CALD1: variants seen among roughly 807,000 people sequenced by gnomAD.
CALD1 encodes caldesmon.
CALD1 carries 33 observed loss-of-function variants against 99.9 expected under a neutral mutation model. The observed-to-expected ratio is 0.33, with a 90% CI of 0.25 to 0.44. The LOEUF (loss-of-function observed/expected upper bound fraction) is 0.44, where lower values mean the gene tolerates loss of function less well. Among genes scored for constraint, CALD1 ranks in the 20% least tolerant of loss-of-function variants. The pLI is 1.00. For missense variants in CALD1, 861 were observed against 962.1 expected, an observed-to-expected ratio of 0.89 and a Z score of 1.39; for synonymous variants, 310 against 325.0, an observed-to-expected ratio of 0.95 and a Z score of 0.50.
In CALD1 at chr7:134,828,238, T is replaced by C. The variant is rs535055620; in HGVS notation, c.-129-15646T>C. On this transcript the variant is annotated intron_variant, in intron 1 of 14. Coordinates refer to ENST00000361675, the MANE Select transcript of CALD1 (RefSeq NM_033138.4). ...TAGGTCCTCTGCACCAAGGCAGTTT[T>C]CTTGAGAGCATTTTCTCACTGGTTT... Among the ~76,000 whole-genome samples the C allele has an allele frequency of 4.6e-5, 7 of 152,362 alleles. No individual in the cohort carries two copies. The East Asian group carries it at 1.3e-3, about 29-fold the overall frequency.
chr7:134,792,109 A>C (rs1299482367), intron 1 of CALD1, among the ~76,000 whole-genome samples: 1 of 152,120 alleles, frequency 6.6e-6, no homozygotes, highest in Non-Finnish European at 1.5e-5. Flanking sequence ...ATGCACAAAC[A>C]AATTTATTTC....
intron 1 of CALD1, among the ~76,000 whole-genome samples, chr7:134,815,897 C>T (rs1798542518): frequency 6.6e-6 from 1 of 152,100 alleles, no homozygotes. Context: ...AAAAACTATC[C>T]TCGAACTGGC....
At chr7:134,765,158 T>C (rs914330696) in intron 1 of CALD1, among the ~76,000 whole-genome samples, 1 of 151,818 alleles carries the variant, frequency 6.6e-6, no homozygotes, top group South Asian at 2.1e-4. Flanking sequence ...CTACTAAAAA[T>C]ACAAAAATTA....
intron 3 of CALD1, among the ~76,000 whole-genome samples, chr7:134,909,237 AAAGT>A (rs1404354356): frequency 1.3e-5 from 2 of 152,246 alleles, no homozygotes; most frequent in Non-Finnish European, 2.9e-5. Context: ...TCAATTTTTA[AAAGT>A]AAGAGGATAT....
rs3800704 is a variant in CALD1, at chr7:134,783,555, C to G, written c.-130+3806C>G. 0.24 allele frequency among the ~76,000 whole-genome samples: 36,929 copies of G among 151,774 alleles called. 5,481 individuals carry two copies. Among genetic ancestry groups the G allele is most frequent in the East Asian group, 0.69 (3,501 of 5,108 alleles). On this transcript the variant is annotated intron_variant, in intron 1 of 14. Transcript: ENST00000361675. This position sits in a 1 kb window ranked among gnomAD's most constrained non-coding sequence, Gnocchi z 4.3. ...CAGGCTGTGGGTAAGGCTATGGGAGCGGGGTCGGGGGGAAACTATGACCTG... is the reference window on the plus strand; with the variant it reads ...CAGGCTGTGGGTAAGGCTATGGGAGGGGGGTCGGGGGGAAACTATGACCTG...
In CALD1 at chr7:134,746,717, G is replaced by A. The variant is rs185421692; in HGVS notation, c.-130+2354G>A. On this transcript the variant is annotated intron_variant, in intron 1 of 13. Transcript: ENST00000417172. Reference sequence around the variant, plus strand: ...GAACAGAAAATGTTAGTAGAAATATGAACGGTAAAGGCTATTCTGATGAGG... The same window carrying A: ...GAACAGAAAATGTTAGTAGAAATATAAACGGTAAAGGCTATTCTGATGAGG... Among the ~76,000 whole-genome samples, 99 of 152,336 alleles carry A rather than the reference G, an allele frequency of 6.5e-4. No homozygotes were observed. The Middle Eastern group carries it at 0.01, about 16-fold the overall frequency.
the CALD1 span, among the ~76,000 whole-genome samples, chr7:134,735,563 C>CTGTGTGTGTGTGTG: frequency 6.5e-5 from 9 of 138,192 alleles, no homozygotes; most frequent in East Asian, 2.2e-4. Flanking sequence ...CCCCACTACC[C>CTGTGTGTGTGTGTG]TCTGTGTGTG....
chr7:134,808,189 C>T (rs1461566811), intron 1 of CALD1, among the ~76,000 whole-genome samples: 2 of 151,430 alleles, frequency 1.3e-5, no homozygotes, highest in Non-Finnish European at 2.9e-5. Context: ...CAGCTCCCAA[C>T]TCCTGGGCTC....
chr7:134,748,728 A>G (rs1796658180), intron 1 of CALD1, among the ~76,000 whole-genome samples: 1 of 127,646 alleles, frequency 7.8e-6, no homozygotes, highest in Admixed American at 9.0e-5. Context: ...CCCCAAAAAA[A>G]ACCAAAAAAA....
intron 3 of CALD1, among the ~76,000 whole-genome samples, chr7:134,880,027 G>A (rs914207418): frequency 1.3e-5 from 2 of 152,178 alleles, no homozygotes; most frequent in Non-Finnish European, 2.9e-5. Context: ...TTCTTCCAAT[G>A]TTCATATTTT....
At chr7:134,735,526 G>A in the CALD1 span, among the ~76,000 whole-genome samples, 2 of 150,762 alleles carry the variant, frequency 1.3e-5, no homozygotes, top group Admixed American at 1.3e-4. Flanking sequence ...ACTCCTACAG[G>A]AATGCTATTT....
intron 2 of CALD1, among the ~76,000 whole-genome samples, chr7:134,866,254 T>C (rs1473459019): frequency 6.6e-6 from 1 of 152,192 alleles, no homozygotes; most frequent in Non-Finnish European, 1.5e-5. Flanking sequence ...AAAATTTCTT[T>C]ATGGTCGATG....
intron 1 of CALD1, among the ~76,000 whole-genome samples, chr7:134,747,277 G>T (rs987301048): frequency 6.6e-6 from 1 of 152,162 alleles, no homozygotes; most frequent in Admixed American, 6.5e-5. Context: ...GAGATAAAGT[G>T]CAGATGTGGA....
intron 1 of CALD1, among the ~76,000 whole-genome samples, chr7:134,771,295 T>C (rs1345146201): frequency 2.0e-5 from 3 of 152,114 alleles, no homozygotes; most frequent in African/African-American, 7.2e-5. Context: ...CCTCTTAACA[T>C]CTTAACATGC....
At chr7:134,718,345 T>C in the CALD1 span, among the ~76,000 whole-genome samples, 1 of 152,184 alleles carries the variant, frequency 6.6e-6, no homozygotes, top group African/African-American at 2.4e-5. Flanking sequence ...ACACTGTTAT[T>C]ATCTCCATTT....
intron 3 of CALD1, among the ~76,000 whole-genome samples, chr7:134,884,094 C>A (rs1174384677): frequency 7.1e-6 from 1 of 140,722 alleles, no homozygotes; most frequent in Non-Finnish European, 1.5e-5. Flanking sequence ...AAGAGTGAAA[C>A]TCTGTCTCAA....
intron 3 of CALD1, among the ~76,000 whole-genome samples, chr7:134,869,266 T>C (rs1291605178): frequency 6.6e-6 from 1 of 152,168 alleles, no homozygotes; most frequent in East Asian, 1.9e-4. Flanking sequence ...AGAATCCTGG[T>C]GCAAGAAACC....
intron 1 of CALD1, chr7:134,809,619 T>C (rs1798279071): frequency 6.6e-6 from 1 of 152,238 alleles, no homozygotes; most frequent in Non-Finnish European, 1.5e-5. Flanking sequence ...AAAATGTGCA[T>C]TCAGCAAGGT....
chr7:134,751,974 C>CA (rs907871727), intron 1 of CALD1, among the ~76,000 whole-genome samples: 7 of 148,544 alleles, frequency 4.7e-5, no homozygotes, highest in Admixed American at 2.7e-4. Flanking sequence ...ATACCTGTTT[C>CA]AAAAAAAAAA....
Sources: gnomAD v4.1 joint callset for allele counts (sites outside exome capture counted in the v4.1 genomes callset) on GRCh38, gnomAD v4.1.1 for gene constraint, Gnocchi (gnomAD v3.1) non-coding constraint, MANE v1.5 for transcripts, NCBI Gene and HGNC (gene_info 2026-07-23, HGNC 2026-07-21) for gene names.